NAB1: variants seen among roughly 807,000 people sequenced by gnomAD.
NAB1 encodes the protein NGFI-A-binding protein 1.
Under a neutral mutation model 49.9 loss-of-function variants are expected in NAB1, and 25 were observed. The ratio of observed to expected loss-of-function variants is 0.50; its 90% CI spans 0.37 to 0.70. NAB1 has a LOEUF of 0.70. NAB1 is among the 30% of genes least tolerant of loss of function. NAB1 has a pLI of 0.00. For synonymous variants in NAB1, 198 were observed against 215.6 expected (o/e 0.92, Z 0.71); for missense variants, 489 against 575.9 (o/e 0.85, Z 1.54).
Position 190,670,584 on chromosome 2 carries a change from C to G in NAB1, c.953+125C>G. The G allele has an allele frequency of 9.3e-7, 1 of 1,070,436 alleles. No homozygotes were observed. Among genetic ancestry groups the G allele is most frequent in the African/African-American group, 1.6e-5 (1 of 61,966 alleles). 66.3% of individuals were successfully genotyped at this position (1,070,436 alleles called of 1,614,324 possible). A position where few individuals can be genotyped will look rare whatever the true frequency, so the allele number is the denominator to read the frequency against. Reference sequence around the variant, plus strand: ...GAAGTATGATTATTGTTCTATGAAACTAAACAATGCAGTGATTTTGAAAAC... The same window carrying G: ...GAAGTATGATTATTGTTCTATGAAAGTAAACAATGCAGTGATTTTGAAAAC... On this transcript the variant is annotated intron_variant, in intron 5 of 9. Coordinates refer to ENST00000337386, the MANE Select transcript of NAB1 (RefSeq NM_005966.4). The surrounding 1 kb of genome is among the most constrained non-coding windows in gnomAD (Gnocchi z 5.3).
rs555704056 is a variant in NAB1 at position 190,684,488 on chromosome 2, T to A, written c.1095+661T>A. On this transcript the variant is annotated intron_variant, in intron 7 of 9. Coordinates refer to ENST00000337386, the MANE Select transcript of NAB1 (RefSeq NM_005966.4). This position sits in a 1 kb window ranked among gnomAD's most constrained non-coding sequence, Gnocchi z 4.6. Reference sequence around the variant, plus strand: ...ATACATTTTTTACCTCAGATATGCTTATTTAAATTTTGTCAATTTAGTAAC... The same window carrying A: ...ATACATTTTTTACCTCAGATATGCTAATTTAAATTTTGTCAATTTAGTAAC... Among the ~76,000 whole-genome samples, 1 of 152,206 alleles carries A rather than the reference T, an allele frequency of 6.6e-6. No homozygotes were observed. Among genetic ancestry groups the A allele is most frequent in the Non-Finnish European group, 1.5e-5 (1 of 68,026 alleles).
chr2:190,660,022 T>C, intron 4 of NAB1, 27 bp downstream of exon 4: 5 of 1,575,246 alleles, frequency 3.2e-6, no homozygotes, highest in Non-Finnish European at 4.3e-6. Flanking sequence ...GTTCCTTCTG[T>C]GTGTGTATGT....
At position 190,680,633 on chromosome 2, in the gene NAB1, CAT is replaced by C. The variant is rs1341342970; in HGVS notation, c.1006-3104_1006-3103del. Among the ~76,000 whole-genome samples the C allele has an allele frequency of 2.6e-5, 4 of 152,200 alleles. No homozygotes were observed. The highest frequency in any genetic ancestry group is 4.8e-5 in the African/African-American group (2 of 41,432). On this transcript the variant is annotated intron_variant, in intron 6 of 9. Transcript: ENST00000337386. This position sits in a 1 kb window ranked among gnomAD's most constrained non-coding sequence, Gnocchi z 5.2. ...GACATTTTTGTTGAATGTATAAACA[CAT>C]GTTTCTAGATTTCCAGTGTTCTTTT...
intron 4 of NAB1, among the ~76,000 whole-genome samples, chr2:190,662,361 A>T (rs1002748159): frequency 6.6e-6 from 1 of 151,028 alleles, no homozygotes; most frequent in Non-Finnish European, 1.5e-5. Flanking sequence ...GTAAAGAATT[A>T]TGGAATGACT....
intron 9 of NAB1, 85 bp from the exon 10 acceptor site, chr2:190,690,159 GT>G (rs1695884728): frequency 1.1e-6 from 1 of 946,926 alleles, no homozygotes; most frequent in African/African-American, 1.6e-5. Flanking sequence ...TTGATATGGA[GT>G]TTGGGGGTTT....
At position 190,690,356 on chromosome 2, in the gene NAB1, C is replaced by T. The variant is rs768397606; in HGVS notation, c.*23C>T. The T allele has an allele frequency of 1.3e-6, 2 of 1,524,836 alleles. No individual in the cohort carries two copies. The highest frequency in any genetic ancestry group is 1.7e-5 in the Admixed American group (1 of 59,802). 94.5% of individuals were successfully genotyped at this position (1,524,836 alleles called of 1,614,324 possible). The stretch of plus-strand genomic sequence containing the variant: ...TAGCTGTGATTTCTCTCACCGTTCT[C>T]TGGAAATGGCATCAGATTTAAGGAT... On this transcript the variant is annotated 3_prime_UTR_variant, in exon 10 of 10. Coordinates refer to ENST00000337386, the MANE Select transcript of NAB1 (RefSeq NM_005966.4).
chr2:190,650,677 A>T (rs1016981910), intron 2 of NAB1, among the ~76,000 whole-genome samples: 16 of 152,200 alleles, frequency 1.1e-4, no homozygotes, highest in Non-Finnish European at 1.9e-4. Flanking sequence ...TTTCCTGAAG[A>T]CCTGAAAGAG....
intron 6 of NAB1, 36 bp from the exon 7 acceptor site, chr2:190,683,702 A>G (rs762055969): frequency 7.0e-7 from 1 of 1,428,734 alleles, no homozygotes; most frequent in Non-Finnish European, 9.7e-7. Flanking sequence ...TTATTTACAA[A>G]CTCTAAATAT....
Position 190,667,475 on chromosome 2 carries a change from T to C in NAB1, c.820-2851T>C, listed in dbSNP as rs912297670. ...ATTTTGAATATCATTATTTAAAGTATACATTTCACTTTTAACTCCAATAAC... is the reference window on the plus strand; with the variant it reads ...ATTTTGAATATCATTATTTAAAGTACACATTTCACTTTTAACTCCAATAAC... On this transcript the variant is annotated intron_variant, in intron 4 of 9. Transcript: ENST00000337386. This position sits in a 1 kb window ranked among gnomAD's most constrained non-coding sequence, Gnocchi z 4.4. Among the ~76,000 whole-genome samples the C allele has an allele frequency of 6.6e-6, 1 of 152,242 alleles. No individual in the cohort carries two copies. The highest frequency in any genetic ancestry group is 1.5e-5 in the Non-Finnish European group (1 of 68,034).
Position 190,691,301 on chromosome 2 carries a change from G to C in NAB1, c.*968G>C, listed in dbSNP as rs915115320. ...AAGTCTTCTCTATGTAGAGAAGTCA[G>C]AGAGACTAGATGCTTTCACTAGGGA... On this transcript the variant is annotated 3_prime_UTR_variant, in exon 10 of 10. Coordinates refer to ENST00000337386, the MANE Select transcript of NAB1 (RefSeq NM_005966.4). This position sits in a 1 kb window ranked among gnomAD's most constrained non-coding sequence, Gnocchi z 4.1. 14 of 152,484 alleles carry C rather than the reference G, an allele frequency of 9.2e-5. No homozygotes were observed. The highest frequency in any genetic ancestry group is 2.1e-4 in the South Asian group (1 of 4,832). The allele number at this position is 152,484 out of a possible 1,614,324, so 9.4% of individuals were successfully genotyped here. A position where few individuals can be genotyped will look rare whatever the true frequency, so the allele number is the denominator to read the frequency against.
intron 3 of NAB1, among the ~76,000 whole-genome samples, chr2:190,658,619 C>T (rs1162930262): frequency 2.6e-5 from 4 of 152,194 alleles, no homozygotes; most frequent in Non-Finnish European, 4.4e-5. Context: ...CCAATTCATA[C>T]TGAAATCTAT....
In NAB1 at chr2:190,663,987, C is replaced by G. The variant is rs1259083185; in HGVS notation, c.819+3992C>G. On this transcript the variant is annotated intron_variant, in intron 4 of 9. Coordinates refer to ENST00000337386, the MANE Select transcript of NAB1 (RefSeq NM_005966.4). This position sits in a 1 kb window ranked among gnomAD's most constrained non-coding sequence, Gnocchi z 4.2. ...GAACATGGTTTGTGTGATGCCAACCCTTTAAAATTTGTTGAGAGTTTAGTT... is the reference window on the plus strand; with the variant it reads ...GAACATGGTTTGTGTGATGCCAACCGTTTAAAATTTGTTGAGAGTTTAGTT... 1.3e-5 allele frequency among the ~76,000 whole-genome samples: 2 copies of G among 152,050 alleles called. No individual in the cohort carries two copies. Among genetic ancestry groups the G allele is most frequent in the African/African-American group, 4.8e-5 (2 of 41,402 alleles).
At chr2:190,671,491 T>G (rs1265010031) in intron 5 of NAB1, among the ~76,000 whole-genome samples, 1 of 148,582 alleles carries the variant, frequency 6.7e-6, no homozygotes, top group African/African-American at 2.5e-5. Context: ...ATTTATAAGG[T>G]TTTTTTTTTG....
intron 4 of NAB1, among the ~76,000 whole-genome samples, chr2:190,660,801 C>G (rs1694184724): frequency 6.6e-6 from 1 of 152,134 alleles, no homozygotes; most frequent in Non-Finnish European, 1.5e-5. Context: ...GTATACTGGT[C>G]TGTGCTTCAC....
rs1216883872 is a variant in NAB1, at chr2:190,683,758, G to C, written c.1026G>C (p.Gln342His). 2 of 1,613,142 alleles carry C rather than the reference G, an allele frequency of 1.2e-6. No homozygotes were observed. The highest frequency in any genetic ancestry group is 1.3e-5 in the African/African-American group (1 of 74,864). ...IKVEDGFPDF[Q>H]DSVQTLFQQA... ...CACAGGATGGGTTTCCAGATTTCCA[G>C]GATTCTGTGCAAACACTCTTCCAGC... The change falls in exon 7 of 10, where the codon CAG (glutamine) becomes CAC (histidine). Residue 342 changes from glutamine to histidine, a missense_variant. Coordinates refer to ENST00000337386, the MANE Select transcript of NAB1 (RefSeq NM_005966.4).
chr2:190,683,710 T>C (rs1298340687), intron 6 of NAB1, 28 bp from the exon 7 acceptor site: 3 of 1,521,026 alleles, frequency 2.0e-6, no homozygotes, highest in Middle Eastern at 1.7e-4. Context: ...AAACTCTAAA[T>C]ATAAAGGACT....
At chr2:190,683,925 G>C in intron 7 of NAB1, 98 bp downstream of exon 7, 1 of 916,258 alleles carries the variant, frequency 1.1e-6, no homozygotes, top group Non-Finnish European at 1.7e-6. Context: ...TCTGAGGCCT[G>C]ACTTTTTATT....
At chr2:190,687,376 G>A (rs1253604156) in intron 9 of NAB1, 59 bp downstream of exon 9, 2 of 455,500 alleles carry the variant, frequency 4.4e-6, no homozygotes, top group East Asian at 9.9e-5. Flanking sequence ...TTTAAATTCT[G>A]TTCTATTTCC....
At position 190,692,113 on chromosome 2, in the gene NAB1, TAGTATG is replaced by T. The variant is rs150131179; in HGVS notation, c.*1785_*1790del. 28,188 of 152,414 alleles carry T rather than the reference TAGTATG, an allele frequency of 0.18. 3,070 individuals are homozygous for T. Among genetic ancestry groups the T allele is most frequent in the East Asian group, 0.36 (1,867 of 5,150 alleles). The allele number at this position is 152,414 out of a possible 1,614,324, so 9.4% of individuals were successfully genotyped here. ...TTGTATTGTTCACTGTGTGTAGAAATAGTATGAGTACGATTTCAATAGACTGTTCAG... is the reference window on the plus strand; with the variant it reads ...TTGTATTGTTCACTGTGTGTAGAAATAGTACGATTTCAATAGACTGTTCAG... On this transcript the variant is annotated 3_prime_UTR_variant, in exon 10 of 10. Transcript: ENST00000337386. This position sits in a 1 kb window ranked among gnomAD's most constrained non-coding sequence, Gnocchi z 5.2.
Sources: allele counts gnomAD v4.1 joint callset (sites outside exome capture counted in the v4.1 genomes callset), GRCh38; gene constraint gnomAD v4.1.1; non-coding constraint Gnocchi (gnomAD v3.1); transcripts MANE v1.5; gene names NCBI Gene and HGNC (gene_info 2026-07-23, HGNC 2026-07-21).